GABRB3: variants seen among roughly 807,000 people sequenced by gnomAD.
The protein encoded by GABRB3 is gamma-aminobutyric acid receptor subunit beta-3.
A neutral mutation model predicts 52.1 loss-of-function variants in GABRB3; 14 were observed. The observed-to-expected ratio is 0.27, with a 90% CI of 0.18 to 0.42. The LOEUF is 0.42. Among genes scored for constraint, GABRB3 ranks in the 10% least tolerant of loss-of-function variants. The pLI, the probability that GABRB3 is intolerant of heterozygous loss-of-function variation, is 1.00. For synonymous variants in GABRB3, 260 were observed against 232.3 expected (o/e 1.12, Z -1.08); for missense variants, 307 against 609.1 (o/e 0.50, Z 5.22).
At chr15:26,730,614 T>C (rs1889886728) in intron 3 of GABRB3, among the ~76,000 whole-genome samples, 1 of 152,134 alleles carries the variant, frequency 6.6e-6, no homozygotes, top group Non-Finnish European at 1.5e-5. Flanking sequence ...CTTAGGACCA[T>C]TATTCTTCCT....
chr15:26,556,975 T>C (rs573621427), intron 8 of GABRB3, among the ~76,000 whole-genome samples: 1 of 152,286 alleles, frequency 6.6e-6, no homozygotes, highest in East Asian at 1.9e-4. Context: ...TCCCAGGTGC[T>C]ATCCCTGACA....
intron 4 of GABRB3, chr15:26,613,426 G>GGAAA (rs1892146637): frequency 6.8e-6 from 1 of 146,526 alleles, no homozygotes; most frequent in Admixed American, 6.8e-5. Context: ...AAAGAAAGAA[G>GGAAA]GAAAGAAAGA....
At chr15:26,721,631 C>G (rs761797646) in intron 3 of GABRB3, among the ~76,000 whole-genome samples, 7 of 151,712 alleles carry the variant, frequency 4.6e-5, no homozygotes, top group Admixed American at 1.3e-4. Flanking sequence ...TTACAGAGCT[C>G]CGTCTCAACT....
intron 6 of GABRB3, among the ~76,000 whole-genome samples, chr15:26,574,043 C>A (rs909234608): frequency 6.6e-5 from 10 of 152,130 alleles, no homozygotes; most frequent in Admixed American, 3.3e-4. Context: ...AGACTAAGAC[C>A]CTGTCTCAAA....
chr15:26,671,440 T>C (rs1050921226), intron 3 of GABRB3, among the ~76,000 whole-genome samples: 3 of 152,128 alleles, frequency 2.0e-5, no homozygotes, highest in Admixed American at 1.3e-4. Flanking sequence ...CCAGCTAAGA[T>C]TGGAGCAGGG....
At chr15:26,722,017 T>A (rs1034118881) in intron 3 of GABRB3, among the ~76,000 whole-genome samples, 6 of 152,174 alleles carry the variant, frequency 3.9e-5, no homozygotes, top group African/African-American at 1.4e-4. Context: ...AAGAAAAAAG[T>A]TTTACATTCT....
intron 3 of GABRB3, among the ~76,000 whole-genome samples, chr15:26,626,297 C>T (rs1171793319): frequency 2.6e-5 from 4 of 152,126 alleles, no homozygotes; most frequent in Non-Finnish European, 5.9e-5. Flanking sequence ...GTATCTCTCC[C>T]TCTCCTTGGG....
chr15:26,629,046 CA>C, intron 3 of GABRB3: 1 of 1,536,136 alleles, frequency 6.5e-7, no homozygotes, highest in East Asian at 2.4e-5. Context: ...GCTGAGGTCC[CA>C]AAGACTCCGA....
At chr15:26,594,062 CA>C (rs1343057637) in intron 4 of GABRB3, among the ~76,000 whole-genome samples, 1 of 148,438 alleles carries the variant, frequency 6.7e-6, no homozygotes, top group Non-Finnish European at 1.5e-5. Flanking sequence ...AAATGCAAGT[CA>C]AAACCACAAT....
intron 3 of GABRB3, among the ~76,000 whole-genome samples, chr15:26,639,663 T>C (rs1343696147): frequency 1.3e-5 from 2 of 152,230 alleles, no homozygotes; most frequent in Non-Finnish European, 2.9e-5. Flanking sequence ...CCTATCATTA[T>C]GTAAAGGATA....
At chr15:26,660,192 T>C (rs1887496977) in intron 3 of GABRB3, among the ~76,000 whole-genome samples, 1 of 149,678 alleles carries the variant, frequency 6.7e-6, no homozygotes, top group Non-Finnish European at 1.5e-5. Flanking sequence ...ATCATGCCAC[T>C]GCACTCCAGC....
intron 3 of GABRB3, among the ~76,000 whole-genome samples, chr15:26,689,814 C>A (rs1197805660): frequency 6.6e-6 from 1 of 152,030 alleles, no homozygotes; most frequent in African/African-American, 2.4e-5. Flanking sequence ...TTCCAAAGGG[C>A]TGGTCTGTTT....
intron 7 of GABRB3, among the ~76,000 whole-genome samples, chr15:26,564,852 T>C (rs974775268): frequency 3.9e-5 from 6 of 152,218 alleles, no homozygotes; most frequent in African/African-American, 1.4e-4. Context: ...TTTTACAACA[T>C]AGTAGACCAA....
At chr15:26,647,368 A>C (rs1364169518) in intron 3 of GABRB3, among the ~76,000 whole-genome samples, 1 of 152,254 alleles carries the variant, frequency 6.6e-6, no homozygotes. Context: ...AGTCCAAATT[A>C]TCAATGTTTC....
chr15:26,690,604 G>T (rs2140663716), intron 3 of GABRB3, among the ~76,000 whole-genome samples: 1 of 151,980 alleles, frequency 6.6e-6, no homozygotes, highest in African/African-American at 2.4e-5. Flanking sequence ...TGGGTAGTGG[G>T]CACACTCTGG....
intron 6 of GABRB3, among the ~76,000 whole-genome samples, chr15:26,571,218 A>G (rs927491033): frequency 7.5e-5 from 1 of 13,288 alleles, no homozygotes; most frequent in Non-Finnish European, 9.3e-4. Context: ...TCCACCATAC[A>G]TGGAACAGTC....
chr15:26,683,067 CAG>C (rs1454779731), intron 3 of GABRB3, among the ~76,000 whole-genome samples: 1 of 151,156 alleles, frequency 6.6e-6, no homozygotes, highest in East Asian at 2.0e-4. Context: ...TGCTTCAAAA[CAG>C]ACTCCCCAGG....
chr15:26,654,278 T>C (rs2140596190), intron 3 of GABRB3, among the ~76,000 whole-genome samples: 1 of 152,308 alleles, frequency 6.6e-6, no homozygotes, highest in South Asian at 2.1e-4. Context: ...CCCGAGTAGC[T>C]GGGACTACAG....
chr15:26,654,897 ATCACGGC>A (rs1316502280), intron 3 of GABRB3, among the ~76,000 whole-genome samples: 1 of 152,096 alleles, frequency 6.6e-6, no homozygotes, highest in East Asian at 1.9e-4. Flanking sequence ...CAACAGCACG[ATCACGGC>A]TCACTGCAGC....
Sources: gnomAD v4.1 joint callset for allele counts (sites outside exome capture counted in the v4.1 genomes callset) on GRCh38, gnomAD v4.1.1 for gene constraint, MANE v1.5 for transcripts, NCBI Gene and HGNC (gene_info 2026-07-23, HGNC 2026-07-21) for gene names.